Variants in ADGRL2 observed in about 807,000 individuals in gnomAD.
The protein encoded by ADGRL2 is calcium-independent alpha-latrotoxin receptor 2.
A neutral mutation model predicts 157.4 loss-of-function variants in ADGRL2; 44 were observed. The observed-to-expected ratio is 0.28, with a 90% CI of 0.22 to 0.36. The LOEUF is 0.36. Among genes scored for constraint, ADGRL2 ranks in the 10% least tolerant of loss-of-function variants. The probability of loss-of-function intolerance (pLI) is 1.00; values close to 1 mark genes in which losing one functional copy is unlikely to be tolerated. For missense variants in ADGRL2, 1,510 were observed against 1,768.9 expected (o/e 0.85, Z 2.63); for synonymous variants, 585 against 624.7 (o/e 0.94, Z 0.95).
intron 17 of ADGRL2, among the ~76,000 whole-genome samples, chr1:81,977,450 T>C (rs1485791549): frequency 6.6e-6 from 1 of 151,822 alleles, no homozygotes; most frequent in Admixed American, 6.6e-5. Flanking sequence ...TACTTAAGTC[T>C]TGATTGTATT....
chr1:81,726,873 T>C (rs72715744), intron 1 of ADGRL2, among the ~76,000 whole-genome samples: 2 of 152,200 alleles, frequency 1.3e-5, no homozygotes, highest in Non-Finnish European at 2.9e-5. Flanking sequence ...AAGCTATCAT[T>C]AGGGATTCAC....
At chr1:81,452,646 TG>T (rs1261922865) in intron 2 of ADGRL2, among the ~76,000 whole-genome samples, 15 of 152,346 alleles carry the variant, frequency 9.8e-5, no homozygotes, top group African/African-American at 3.6e-4. Flanking sequence ...TTGAATCTCC[TG>T]CCTGTGAGAA....
At chr1:81,521,708 A>C (rs2079318737) in intron 2 of ADGRL2, among the ~76,000 whole-genome samples, 3 of 152,190 alleles carry the variant, frequency 2.0e-5, no homozygotes, top group Non-Finnish European at 4.4e-5. Context: ...GATTTCTCAA[A>C]GAGTTTTCAT....
intron 3 of ADGRL2, among the ~76,000 whole-genome samples, chr1:81,671,967 A>C (rs927726469): frequency 2.6e-5 from 4 of 152,240 alleles, no homozygotes; most frequent in African/African-American, 9.6e-5. Flanking sequence ...GAATTTTAAT[A>C]GTGTGTGTAA....
chr1:81,415,904 G>A lies in ADGRL2; in HGVS notation c.-301-29132G>A, dbSNP rs570128912. ...CGCCCAGGCTGGAGTACAGTGGTGC[G>A]ATCTCAGCTCACTGCAAGCTCGGCC... On this transcript the variant is annotated intron_variant, in intron 1 of 24. Coordinates refer to the ADGRL2 transcript ENST00000370721. Among the ~76,000 whole-genome samples, 95 of 150,644 alleles carry A rather than the reference G, an allele frequency of 6.3e-4. 1 individual carries two copies. The highest frequency in any genetic ancestry group is 4.0e-4 in the Non-Finnish European group (27 of 67,808).
At position 81,987,884 on chromosome 1, in the gene ADGRL2, C is replaced by T; in HGVS notation, c.3653C>T (p.Thr1218Ile). ...VFNSPATYRE[T>I]RHSLNNARDT... ...TTTCCTCTAGCAACCTACAGAGAGA[C>T]AAGTATGGGAGTAAAACTTAACTTT... Residue 1218 changes from threonine to isoleucine, a missense_variant and splice_region_variant, in exon 23 of 24, where the codon ACA becomes ATA. This residue lies in a region of ADGRL2 where 327 missense variants were observed against 310.1 expected (regional missense o/e 1.05). Transcript: ENST00000686636. 3.0e-6 allele frequency: 1 copy of T among 329,270 alleles called. No homozygotes were observed. Among genetic ancestry groups the T allele is most frequent in the Non-Finnish European group, 6.5e-6 (1 of 152,902 alleles). 20.4% of individuals were successfully genotyped at this position (329,270 alleles called of 1,614,324 possible).
chr1:81,833,547 A>C (rs2150133177), intron 1 of ADGRL2, among the ~76,000 whole-genome samples: 1 of 152,334 alleles, frequency 6.6e-6, no homozygotes, highest in South Asian at 2.1e-4. Context: ...GATGCTTATT[A>C]ATAAACATTT....
intron 1 of ADGRL2, among the ~76,000 whole-genome samples, chr1:81,802,289 T>C (rs942139166): frequency 2.1e-4 from 32 of 151,998 alleles, no homozygotes; most frequent in African/African-American, 7.5e-4. Flanking sequence ...CCTGTTTGCT[T>C]TGCGCCTCCA....
At chr1:81,498,281 T>G (rs2147995877) in intron 2 of ADGRL2, among the ~76,000 whole-genome samples, 1 of 152,348 alleles carries the variant, frequency 6.6e-6, no homozygotes, top group African/African-American at 2.4e-5. Context: ...TTACCATATC[T>G]AATATATGCA....
chr1:81,792,738 T>A (rs1360140008), intron 2 of ADGRL2, among the ~76,000 whole-genome samples: 2 of 152,212 alleles, frequency 1.3e-5, no homozygotes, highest in African/African-American at 4.8e-5. Context: ...TCCTGTCTGA[T>A]TTTTAAGGAA....
At chr1:81,504,259 C>T (rs1343732584) in intron 2 of ADGRL2, among the ~76,000 whole-genome samples, 1 of 152,098 alleles carries the variant, frequency 6.6e-6, no homozygotes, top group Non-Finnish European at 1.5e-5. Flanking sequence ...ACAGCCCACT[C>T]ATCCTTTCCC....
At chr1:81,719,229 C>T (rs1276239739) in intron 1 of ADGRL2, among the ~76,000 whole-genome samples, 1 of 152,166 alleles carries the variant, frequency 6.6e-6, no homozygotes, top group South Asian at 2.1e-4. Flanking sequence ...ATTTATAGAA[C>T]TACTACGTAA....
At chr1:81,930,544 T>C (rs993158808) in intron 3 of ADGRL2, among the ~76,000 whole-genome samples, 1 of 152,172 alleles carries the variant, frequency 6.6e-6, no homozygotes, top group Non-Finnish European at 1.5e-5. Context: ...CATTTGCAAA[T>C]TGGGATGGTT....
At chr1:81,903,013 A>AAT (rs1315016883) in intron 2 of ADGRL2, among the ~76,000 whole-genome samples, 15 of 152,260 alleles carry the variant, frequency 9.9e-5, no homozygotes, top group African/African-American at 3.6e-4. Flanking sequence ...GAAATGTTGG[A>AAT]ATAGCATGTG....
intron 1 of ADGRL2, among the ~76,000 whole-genome samples, chr1:81,408,844 G>A (rs576927759): frequency 3.9e-5 from 6 of 152,282 alleles, no homozygotes; most frequent in African/African-American, 9.6e-5. Context: ...GCTCTTAAGC[G>A]TTCATTAGTT....
At chr1:81,335,352 C>T (rs1661558973) in intron 1 of ADGRL2, among the ~76,000 whole-genome samples, 1 of 152,054 alleles carries the variant, frequency 6.6e-6, no homozygotes, top group South Asian at 2.1e-4. Flanking sequence ...AATCATATTG[C>T]CAGAGCTGTA....
intron 4 of ADGRL2, among the ~76,000 whole-genome samples, chr1:81,938,857 C>T (rs2095348073): frequency 6.6e-6 from 1 of 151,406 alleles, no homozygotes; most frequent in Admixed American, 6.6e-5. Context: ...TTTCTTTCTA[C>T]CTCTGTCCAT....
chr1:81,878,139 G>A (rs1348175490), intron 2 of ADGRL2, among the ~76,000 whole-genome samples: 1 of 152,102 alleles, frequency 6.6e-6, no homozygotes, highest in Admixed American at 6.5e-5. Context: ...ATTCAGGGAA[G>A]CCATAGCTTT....
intron 3 of ADGRL2, among the ~76,000 whole-genome samples, chr1:81,581,874 GCA>G (rs869309464): frequency 0.039 from 3,242 of 83,492 alleles, 52 homozygotes; most frequent in Middle Eastern, 0.075. Context: ...ACACATGCGC[GCA>G]CACACACACA....
Sources: gnomAD v4.1 joint callset for allele counts (sites outside exome capture counted in the v4.1 genomes callset) on GRCh38, gnomAD v4.1.1 for gene constraint, gnomAD v4.1.1 regional missense constraint, MANE v1.5 for transcripts, NCBI Gene and HGNC (gene_info 2026-07-23, HGNC 2026-07-21) for gene names.